The following CLRN1 variants were observed in gnomAD, a reference collection of about 807,000 sequenced individuals.
The protein encoded by CLRN1 is clarin-1.
A neutral mutation model predicts 18.7 loss-of-function variants in CLRN1; 15 were observed. That is an observed-to-expected ratio of 0.80 (90% CI 0.54 to 1.23). The LOEUF (loss-of-function observed/expected upper bound fraction) is 1.23, where lower values mean the gene tolerates loss of function less well. CLRN1 is among the 50% of genes most tolerant of loss of function. The probability of loss-of-function intolerance (pLI) is 0.00; values close to 1 mark genes in which losing one functional copy is unlikely to be tolerated. For missense variants in CLRN1, 311 were observed against 277.5 expected (o/e 1.12, Z -0.86); for synonymous variants, 104 against 102.9 (o/e 1.01, Z -0.07).
At chr3:150,937,462 A>C (rs1713560102) in intron 2 of CLRN1, among the ~76,000 whole-genome samples, 1 of 152,182 alleles carries the variant, frequency 6.6e-6, no homozygotes, top group Admixed American at 6.5e-5. Flanking sequence ...CCCAAGCCCT[A>C]CCCCACCAGA....
chr3:150,940,941 C>T (rs1361996215), intron 2 of CLRN1, among the ~76,000 whole-genome samples: 1 of 152,174 alleles, frequency 6.6e-6, no homozygotes, highest in Non-Finnish European at 1.5e-5. Context: ...TATGGCTGCT[C>T]ATATGTGGGC....
At chr3:150,966,522 C>T (rs1171877827) in intron 1 of CLRN1, among the ~76,000 whole-genome samples, 1 of 152,152 alleles carries the variant, frequency 6.6e-6, no homozygotes, top group East Asian at 1.9e-4. Context: ...TCCATTTGTG[C>T]TTTCTCAATA....
chr3:150,926,775 G>A lies in CLRN1; in HGVS notation c.*1161C>T, dbSNP rs1422900339. On this transcript the variant is annotated 3_prime_UTR_variant, in exon 3 of 3. Coordinates refer to ENST00000327047, the MANE Select transcript of CLRN1 (RefSeq NM_174878.3). ...TGGTCAGAGGCCTAGTGATCTGTTT[G>A]CTGTCATTCTCTGCTTTTTCCTTGG... The A allele has an allele frequency of 6.2e-7, 1 of 1,613,344 alleles. No individual in the cohort carries two copies. Among genetic ancestry groups the A allele is most frequent in the Non-Finnish European group, 8.5e-7 (1 of 1,179,682 alleles).
intron 1 of CLRN1, among the ~76,000 whole-genome samples, chr3:150,957,452 G>A (rs1714799843): frequency 6.6e-6 from 1 of 152,132 alleles, no homozygotes; most frequent in African/African-American, 2.4e-5. Context: ...CTCCTGTGAT[G>A]TTCTGGCTGT....
chr3:150,947,074 T>C (rs1714215703), intron 1 of CLRN1, among the ~76,000 whole-genome samples: 1 of 152,084 alleles, frequency 6.6e-6, no homozygotes, highest in Non-Finnish European at 1.5e-5. Flanking sequence ...GTTATGTTAA[T>C]GGTGTTGTGG....
At chr3:150,970,956 T>C (rs80146034) in intron 1 of CLRN1, among the ~76,000 whole-genome samples, 9,830 of 152,222 alleles carry the variant, frequency 0.065, 562 homozygotes, top group East Asian at 0.15. Context: ...AGAAAACATC[T>C]TATTATTGTT....
chr3:150,951,839 G>T (rs1009082918), intron 1 of CLRN1, among the ~76,000 whole-genome samples: 4 of 152,060 alleles, frequency 2.6e-5, no homozygotes, highest in Admixed American at 2.6e-4. Flanking sequence ...CAACCAGATC[G>T]CATGAGAACT....
chr3:150,958,241 G>A (rs75745897), intron 1 of CLRN1, among the ~76,000 whole-genome samples: 2,933 of 152,174 alleles, frequency 0.019, 100 homozygotes, highest in African/African-American at 0.066. Flanking sequence ...AGAAACCTGG[G>A]TTCATCTTCT....
intron 1 of CLRN1, chr3:150,943,799 T>G: frequency 6.2e-7 from 1 of 1,614,060 alleles, no homozygotes; most frequent in South Asian, 1.1e-5. Flanking sequence ...TCTGGGGCCC[T>G]GGGGTTGCAG....
At chr3:150,960,468 A>G (rs887532431) in intron 1 of CLRN1, among the ~76,000 whole-genome samples, 1 of 152,148 alleles carries the variant, frequency 6.6e-6, no homozygotes, top group Non-Finnish European at 1.5e-5. Flanking sequence ...CAAACTTTCT[A>G]TCTTGCAGCT....
At chr3:150,957,271 A>C (rs1258986590) in intron 1 of CLRN1, among the ~76,000 whole-genome samples, 11 of 143,490 alleles carry the variant, frequency 7.7e-5, no homozygotes, top group Admixed American at 6.9e-4. Flanking sequence ...ACACACACAC[A>C]CCACCCCACC....
At chr3:150,941,134 G>GTCTACCTA (rs147455281) in intron 2 of CLRN1, among the ~76,000 whole-genome samples, 17 of 131,724 alleles carry the variant, frequency 1.3e-4, no homozygotes, top group African/African-American at 3.6e-4. Flanking sequence ...TTGTCTGTCT[G>GTCTACCTA]TCTGTCTATC....
chr3:150,971,399 C>T (rs896311224), intron 1 of CLRN1, among the ~76,000 whole-genome samples: 2 of 151,888 alleles, frequency 1.3e-5, no homozygotes, highest in Non-Finnish European at 2.9e-5. Flanking sequence ...CCAATGACTG[C>T]TAAGAAGATA....
chr3:150,943,910 C>T lies in CLRN1; in HGVS notation c.254-2149G>A, dbSNP rs757898457. The T allele has an allele frequency of 4.3e-6, 7 of 1,612,922 alleles. No individual in the cohort carries two copies. In the African/African-American group the frequency reaches 6.7e-5, roughly 15 times the overall value. Reference sequence around the variant, plus strand: ...CTGCACTCGTTCACTCGTGTGCTCCCTCCTGCAAGAGGTTGAGCAGGGCAG... The same window carrying T: ...CTGCACTCGTTCACTCGTGTGCTCCTTCCTGCAAGAGGTTGAGCAGGGCAG... On this transcript the variant is annotated intron_variant, in intron 1 of 2. Coordinates refer to ENST00000327047, the MANE Select transcript of CLRN1 (RefSeq NM_174878.3).
At chr3:150,942,813 G>A (rs1713935711) in intron 1 of CLRN1, among the ~76,000 whole-genome samples, 2 of 152,146 alleles carry the variant, frequency 1.3e-5, no homozygotes, top group Non-Finnish European at 2.9e-5. Context: ...GCCTTCGATT[G>A]CTTTGACCTC....
At chr3:150,942,975 G>A (rs1434742291) in intron 1 of CLRN1, among the ~76,000 whole-genome samples, 1 of 152,166 alleles carries the variant, frequency 6.6e-6, no homozygotes, top group Non-Finnish European at 1.5e-5. Flanking sequence ...GGAGCACTGA[G>A]GCACCAGACA....
intron 2 of CLRN1, among the ~76,000 whole-genome samples, chr3:150,940,090 T>A (rs540015836): frequency 6.6e-6 from 1 of 152,384 alleles, no homozygotes; most frequent in Admixed American, 6.5e-5. Flanking sequence ...AGTCAGCAAA[T>A]TCATATTGAA....
In CLRN1 at chr3:150,947,454, T is replaced by C. The variant is rs578019033; in HGVS notation, c.254-5693A>G. On this transcript the variant is annotated intron_variant, in intron 1 of 2. Transcript: ENST00000327047. Reference sequence around the variant, plus strand: ...AGAGACATAGACTCCCACACAATAGTAGTAGGAGACTTCAGTGCTTTACTG... The same window carrying C: ...AGAGACATAGACTCCCACACAATAGCAGTAGGAGACTTCAGTGCTTTACTG... Among the ~76,000 whole-genome samples, 4 of 152,294 alleles carry C rather than the reference T, an allele frequency of 2.6e-5. No homozygotes were observed. In the East Asian group the frequency reaches 5.8e-4, roughly 22 times the overall value.
chr3:150,955,712 C>T (rs868819873), intron 1 of CLRN1, among the ~76,000 whole-genome samples: 10 of 152,114 alleles, frequency 6.6e-5, no homozygotes, highest in African/African-American at 2.2e-4. Flanking sequence ...CACACCTGAA[C>T]ATGACAAAGC....
Sources: allele counts gnomAD v4.1 joint callset (sites outside exome capture counted in the v4.1 genomes callset), GRCh38; gene constraint gnomAD v4.1.1; transcripts MANE v1.5; gene names NCBI Gene and HGNC (gene_info 2026-07-23, HGNC 2026-07-21).